TCERG1: variants seen among roughly 807,000 people sequenced by gnomAD.
TCERG1 encodes transcription elongation regulator 1, also known as TATA box binding protein (TBP)-associated factor, RNA polymerase II, S, 150kD.
A neutral mutation model predicts 144.7 loss-of-function variants in TCERG1; 37 were observed. The observed-to-expected ratio is 0.26, with a 90% CI of 0.20 to 0.34. The LOEUF is 0.34. Ranked by LOEUF, TCERG1 falls within the 10% of genes least tolerant of loss-of-function variation. The pLI, the probability that TCERG1 is intolerant of heterozygous loss-of-function variation, is 1.00. For missense variants in TCERG1, 1,027 were observed against 1,380.7 expected (o/e 0.74, Z 4.06); for synonymous variants, 492 against 458.2 (o/e 1.07, Z -0.94).
chr5:146,478,416 G>T, intron 9 of TCERG1, 77 bp from the exon 10 acceptor site: 2 of 1,417,950 alleles, frequency 1.4e-6, no homozygotes, highest in East Asian at 2.5e-5. Context: ...CTCCCTACTT[G>T]TAACAGGCTG....
chr5:146,503,673 T>C, intron 18 of TCERG1, 134 bp downstream of exon 18: 2 of 1,361,814 alleles, frequency 1.5e-6, no homozygotes, highest in East Asian at 2.4e-5. Context: ...CATAAGAGTC[T>C]AGTTGATTTG....
Position 146,447,376 on chromosome 5 carries a change from C to A in TCERG1, c.27C>A (p.Gly9=). 2 of 1,609,988 alleles carry A rather than the reference C, an allele frequency of 1.2e-6. No individual in the cohort carries two copies. Among genetic ancestry groups the A allele is most frequent in the Non-Finnish European group, 1.7e-6 (2 of 1,178,276 alleles). The change falls in exon 1 of 23, where the codon GGC becomes GGA. Residue 9 remains glycine (G), a synonymous_variant. Coordinates refer to ENST00000679501, the MANE Select transcript of TCERG1 (RefSeq NM_001382548.1). MAERGGDG[G]ESERFNPGEL... is the part of the protein sequence containing the mutation. ...TGGCGGAGCGTGGCGGGGACGGGGG[C>A]GAGAGTGAACGATTCAACCCGGGGG...
At chr5:146,468,194 A>T in intron 5 of TCERG1, 147 bp from the exon 6 acceptor site, 1 of 604,682 alleles carries the variant, frequency 1.7e-6, no homozygotes, top group Non-Finnish European at 2.7e-6. Context: ...ACAAAATGTC[A>T]AACAGAAAGA....
At chr5:146,509,906 A>G (rs1056468162) in intron 22 of TCERG1, among the ~76,000 whole-genome samples, 1 of 152,170 alleles carries the variant, frequency 6.6e-6, no homozygotes, top group Non-Finnish European at 1.5e-5. Context: ...AATTTGAAAC[A>G]TCTTAATAAA....
chr5:146,475,485 A>G (rs758910566), intron 9 of TCERG1, among the ~76,000 whole-genome samples: 4 of 152,204 alleles, frequency 2.6e-5, no homozygotes, highest in Admixed American at 6.5e-5. Flanking sequence ...TAAACATCCT[A>G]TTATGCACTG....
intron 15 of TCERG1, 33 bp from the exon 16 acceptor site, chr5:146,492,887 T>C (rs1407786227): frequency 6.6e-7 from 1 of 1,504,338 alleles, no homozygotes; most frequent in Non-Finnish European, 9.2e-7. Context: ...ATATGAAAGA[T>C]TGACTTGTCA....
chr5:146,448,683 C>A (rs1762106580), intron 1 of TCERG1, among the ~76,000 whole-genome samples: 1 of 152,162 alleles, frequency 6.6e-6, no homozygotes, highest in African/African-American at 2.4e-5. Context: ...GTCGCACACA[C>A]AAATCTCCAC....
intron 9 of TCERG1, among the ~76,000 whole-genome samples, chr5:146,471,827 G>A (rs1361105457): frequency 1.3e-5 from 2 of 152,084 alleles, no homozygotes; most frequent in Admixed American, 1.3e-4. Context: ...TTGATCTCTT[G>A]ACCTCGTGAT....
chr5:146,491,786 G>A (rs2150710905), intron 15 of TCERG1, among the ~76,000 whole-genome samples: 1 of 152,152 alleles, frequency 6.6e-6, no homozygotes, highest in East Asian at 1.9e-4. Context: ...TTTAGGCTTT[G>A]TGGGCCATAT....
chr5:146,455,240 C>T lies in TCERG1; in HGVS notation c.244C>T (p.Pro82Ser). Residue 82 changes from proline to serine, a missense_variant, in exon 2 of 23, where the codon CCA (proline) becomes TCA (serine). Pro to Ser is a moderately conservative substitution (Grantham distance 74). Coordinates refer to ENST00000679501, the MANE Select transcript of TCERG1 (RefSeq NM_001382548.1). ...TCCTAATATGCCGCCAATGCCTCCT[C>T]CAGGAGGGATACCTCCACCTATGGG... ...FDPNMPPMPPPGGIPPPMGPP... is the reference protein window; with the variant it reads ...FDPNMPPMPPSGGIPPPMGPP... 1.2e-6 allele frequency: 2 copies of T among 1,614,210 alleles called. No homozygotes were observed. Among genetic ancestry groups the T allele is most frequent in the Non-Finnish European group, 1.7e-6 (2 of 1,180,038 alleles).
At position 146,470,696 on chromosome 5, in the gene TCERG1, T is replaced by A; in HGVS notation, c.1460T>A (p.Met487Lys). The change falls in exon 8 of 23, where the codon ATG becomes AAG. Residue 487 changes from methionine to lysine, a missense_variant. Physicochemically the swap from Met to Lys is moderately conservative, Grantham distance 95. Transcript: ENST00000679501. ...IKEPSEEPLP[M>K]ETEEEDPKEE... The stretch of plus-strand genomic sequence containing the variant: ...GAACCCTCTGAAGAGCCTCTGCCAA[T>A]GGAGACGGAGGAGGAGGATCCTAAA... 6.2e-7 allele frequency: 1 copy of A among 1,613,600 alleles called. No individual in the cohort carries two copies. Among genetic ancestry groups the A allele is most frequent in the Non-Finnish European group, 8.5e-7 (1 of 1,179,874 alleles).
At chr5:146,487,369 T>C (rs1765939809) in intron 15 of TCERG1, among the ~76,000 whole-genome samples, 1 of 152,148 alleles carries the variant, frequency 6.6e-6, no homozygotes, top group African/African-American at 2.4e-5. Context: ...ATTGTTAAAG[T>C]GGCAGTACTC....
chr5:146,449,097 A>G (rs970133782), intron 1 of TCERG1, among the ~76,000 whole-genome samples: 3 of 152,274 alleles, frequency 2.0e-5, no homozygotes, highest in East Asian at 3.9e-4. Context: ...AGCATTTCTC[A>G]TGAAATTAGG....
chr5:146,489,557 C>G (rs895546337), intron 15 of TCERG1, among the ~76,000 whole-genome samples: 1 of 152,012 alleles, frequency 6.6e-6, no homozygotes, highest in Admixed American at 6.6e-5. Context: ...ATATGAGAAT[C>G]AAATAATGGA....
chr5:146,451,205 T>G (rs766887177), intron 1 of TCERG1, among the ~76,000 whole-genome samples: 5 of 152,194 alleles, frequency 3.3e-5, no homozygotes, highest in Non-Finnish European at 5.9e-5. Flanking sequence ...TTGGTGATTA[T>G]CTTTTTTTTG....
chr5:146,473,670 C>T (rs1367764800), intron 9 of TCERG1, among the ~76,000 whole-genome samples: 11 of 152,090 alleles, frequency 7.2e-5, no homozygotes, highest in Admixed American at 6.6e-4. Flanking sequence ...ATCCTAGGGC[C>T]CTTGAGAATG....
At position 146,470,775 on chromosome 5, in the gene TCERG1, G is replaced by T. The variant is rs751704723; in HGVS notation, c.1512+27G>T. ...TAAAGGGCCATGACCTGTTAACCTG[G>T]GAGCCACATTAATTGTTTCCTACAG... On this transcript the variant is annotated intron_variant, in intron 8 of 22. Transcript: ENST00000679501. 17 of 1,521,890 alleles carry T rather than the reference G, an allele frequency of 1.1e-5. No homozygotes were observed. In the South Asian group the frequency reaches 2.1e-4, roughly 18 times the overall value. 94.3% of individuals were successfully genotyped at this position (1,521,890 alleles called of 1,614,324 possible). A position where few individuals can be genotyped will look rare whatever the true frequency, so the allele number is the denominator to read the frequency against.
intron 19 of TCERG1, among the ~76,000 whole-genome samples, chr5:146,505,219 C>G: frequency 6.6e-6 from 1 of 152,120 alleles, no homozygotes; most frequent in East Asian, 1.9e-4. Flanking sequence ...AAACCTTGTC[C>G]TACACCCTGG....
At chr5:146,455,611 G>A (rs1052738345) in intron 2 of TCERG1, among the ~76,000 whole-genome samples, 1 of 152,146 alleles carries the variant, frequency 6.6e-6, no homozygotes, top group Admixed American at 6.5e-5. Context: ...ATATTTTTGA[G>A]TGGAGAAAAT....
Sources: allele counts gnomAD v4.1 joint callset (sites outside exome capture counted in the v4.1 genomes callset), GRCh38; gene constraint gnomAD v4.1.1; transcripts MANE v1.5; gene names NCBI Gene and HGNC (gene_info 2026-07-23, HGNC 2026-07-21).